Variants in ADAM11 observed in about 807,000 individuals in gnomAD.
ADAM11 encodes the protein disintegrin and metalloproteinase domain-containing protein 11.
ADAM11 carries 49 observed loss-of-function variants against 119.1 expected under a neutral mutation model. That is an observed-to-expected ratio of 0.41 (90% CI 0.33 to 0.52). ADAM11 has a LOEUF of 0.52. ADAM11 is among the 20% of genes least tolerant of loss of function. ADAM11 has a pLI of 0.20. For synonymous variants in ADAM11, 364 were observed against 408.0 expected, an observed-to-expected ratio of 0.89 and a Z score of 1.30; for missense variants, 777 against 1,047.5, an observed-to-expected ratio of 0.74 and a Z score of 3.56.
Position 44,776,582 on chromosome 17 carries a change from G to A in ADAM11, c.1567-163G>A, listed in dbSNP as rs534567824. 5.3e-5 allele frequency among the ~76,000 whole-genome samples: 8 copies of A among 152,232 alleles called. No homozygotes were observed. The South Asian group carries it at 1.7e-3, about 32-fold the overall frequency. ...GGCTCTGGGGCTTGCAAATCCGTGT[G>A]GTCTGGGTCCAGAACCAGACAGATC... On this transcript the variant is annotated intron_variant, in intron 18 of 26. Coordinates refer to ENST00000200557, the MANE Select transcript of ADAM11 (RefSeq NM_002390.6). This position sits in a 1 kb window ranked among gnomAD's most constrained non-coding sequence, Gnocchi z 5.2.
chr17:44,761,966 A>T (rs1321324136), intron 2 of ADAM11, among the ~76,000 whole-genome samples: 2 of 151,972 alleles, frequency 1.3e-5, no homozygotes, highest in Non-Finnish European at 2.9e-5. Flanking sequence ...GGGATTACAG[A>T]CGTGCGCCAC....
intron 25 of ADAM11, 142 bp downstream of exon 25, chr17:44,778,384 T>A: frequency 1.2e-6 from 1 of 853,338 alleles, no homozygotes; most frequent in Non-Finnish European, 1.7e-6. Context: ...CTGCAGGGCT[T>A]AACATTTAGA....
chr17:44,769,490 G>A (rs552844482), intron 2 of ADAM11, among the ~76,000 whole-genome samples: 94 of 152,372 alleles, frequency 6.2e-4, no homozygotes, highest in Middle Eastern at 3.4e-3. Context: ...AGGGCAGAAA[G>A]GGGGCTGTGC....
At chr17:44,770,199 G>A (rs1258026495) in intron 4 of ADAM11, 151 bp downstream of exon 4, 13 of 984,896 alleles carry the variant, frequency 1.3e-5, no homozygotes, top group Non-Finnish European at 8.9e-6. Context: ...GACCCAGGAG[G>A]CTCTGAGGGT....
intron 25 of ADAM11, 146 bp from the exon 26 acceptor site, chr17:44,779,076 G>T: frequency 1.0e-6 from 1 of 1,004,726 alleles, no homozygotes; most frequent in Non-Finnish European, 1.5e-6. Context: ...AATTCTCCCT[G>T]GCCCTTACAT....
chr17:44,765,342 G>A (rs1338921540), intron 2 of ADAM11, among the ~76,000 whole-genome samples: 1 of 152,098 alleles, frequency 6.6e-6, no homozygotes, highest in Non-Finnish European at 1.5e-5. Flanking sequence ...CCTTGCGGGA[G>A]GGGATTCCAG....
intron 2 of ADAM11, among the ~76,000 whole-genome samples, chr17:44,768,482 T>G (rs1342523738): frequency 6.6e-6 from 1 of 152,138 alleles, no homozygotes; most frequent in Admixed American, 6.5e-5. Flanking sequence ...AGAAGCAGAC[T>G]CCCTAGCTTC....
Position 44,777,008 on chromosome 17 carries a change from G to C in ADAM11, c.1681+46G>C, listed in dbSNP as rs1567695274. The stretch of plus-strand genomic sequence containing the variant: ...GAGTGGGGACTCCGGAGGACCCAGA[G>C]CTGAGAAGCTGGGGAGAGTGGGTTC... On this transcript the variant is annotated intron_variant, in intron 20 of 26. Coordinates refer to ENST00000200557, the MANE Select transcript of ADAM11 (RefSeq NM_002390.6). The surrounding 1 kb of genome is among the most constrained non-coding windows in gnomAD (Gnocchi z 5.1). 1 of 1,590,182 alleles carries C rather than the reference G, an allele frequency of 6.3e-7. No homozygotes were observed. Among genetic ancestry groups the C allele is most frequent in the Non-Finnish European group, 8.6e-7 (1 of 1,163,346 alleles).
Position 44,779,972 on chromosome 17 carries a change from A to T in ADAM11, c.*218A>T, listed in dbSNP as rs978652732. 1 of 727,076 alleles carries T rather than the reference A, an allele frequency of 1.4e-6. No individual in the cohort carries two copies. Among genetic ancestry groups the T allele is most frequent in the South Asian group, 1.5e-5 (1 of 67,432 alleles). The allele number at this position is 727,076 out of a possible 1,614,324, so 45.0% of individuals were successfully genotyped here. A position where few individuals can be genotyped will look rare whatever the true frequency, so the allele number is the denominator to read the frequency against. ...GAGGGCACTTCCTCCACAGTCCCCC[A>T]CCCACCTCCTGCGGCTCAGCCTTGC... On this transcript the variant is annotated 3_prime_UTR_variant, in exon 27 of 27. Transcript: ENST00000200557.
chr17:44,760,924 G>C (rs1010229322), intron 2 of ADAM11, among the ~76,000 whole-genome samples: 1 of 151,888 alleles, frequency 6.6e-6, no homozygotes, highest in African/African-American at 2.4e-5. Context: ...CTGATGAAAT[G>C]GATGGAGCAG....
At chr17:44,771,522 T>C in intron 4 of ADAM11, 62 bp from the exon 5 acceptor site, 3 of 1,541,530 alleles carry the variant, frequency 1.9e-6, no homozygotes, top group Non-Finnish European at 1.8e-6. Context: ...CAAAAAGCCT[T>C]GAGGCCCATT....
Position 44,772,184 on chromosome 17 carries a change from G to A in ADAM11, c.544-83G>A. On this transcript the variant is annotated intron_variant, in intron 6 of 26. Coordinates refer to ENST00000200557, the MANE Select transcript of ADAM11 (RefSeq NM_002390.6). The surrounding 1 kb of genome is among the most constrained non-coding windows in gnomAD (Gnocchi z 4.5). ...TGGGTCACCCCAGGGTGGGGTGGAG[G>A]CGAGGGCTGGATCTGGCCCCCGCCA... is the stretch of plus-strand genomic sequence containing the variant. 7.5e-7 allele frequency: 1 copy of A among 1,325,590 alleles called. No homozygotes were observed. Among genetic ancestry groups the A allele is most frequent in the Non-Finnish European group, 1.1e-6 (1 of 949,366 alleles). 82.1% of individuals were successfully genotyped at this position (1,325,590 alleles called of 1,614,324 possible). A position where few individuals can be genotyped will look rare whatever the true frequency, so the allele number is the denominator to read the frequency against.
Position 44,776,035 on chromosome 17 carries a change from G to A in ADAM11, c.1486-92G>A. The A allele has an allele frequency of 6.9e-7, 1 of 1,452,284 alleles. No individual in the cohort carries two copies. Among genetic ancestry groups the A allele is most frequent in the Middle Eastern group, 2.0e-4 (1 of 4,906 alleles). 90.0% of individuals were successfully genotyped at this position (1,452,284 alleles called of 1,614,324 possible). ...GGGGCCCTGGGGAGCTGGAGGGCCC[G>A]GGGATGTGGGGGTCCAGAGAGCGAG... On this transcript the variant is annotated intron_variant, in intron 17 of 26. Coordinates refer to ENST00000200557, the MANE Select transcript of ADAM11 (RefSeq NM_002390.6). This position sits in a 1 kb window ranked among gnomAD's most constrained non-coding sequence, Gnocchi z 5.2.
chr17:44,772,222 G>A lies in ADAM11; in HGVS notation c.544-45G>A. The A allele has an allele frequency of 6.5e-7, 1 of 1,548,306 alleles. No homozygotes were observed. Among genetic ancestry groups the A allele is most frequent in the South Asian group, 1.2e-5 (1 of 85,730 alleles). ...CTGGCCCCCGCCAAGTGGGCCTGGA[G>A]CAGGCCCAGTTGGCACCCCAAGAAC... On this transcript the variant is annotated intron_variant, in intron 6 of 26. Coordinates refer to ENST00000200557, the MANE Select transcript of ADAM11 (RefSeq NM_002390.6). This position sits in a 1 kb window ranked among gnomAD's most constrained non-coding sequence, Gnocchi z 4.5.
In ADAM11 at chr17:44,776,218, C is replaced by T; in HGVS notation, c.1566+11C>T. 6.2e-7 allele frequency: 1 copy of T among 1,612,954 alleles called. No homozygotes were observed. ...GGGGACTCTAGCCAGGTCCGCCCGG[C>T]CCCGCCGTCTTGTGGAGCCCTGGGC... On this transcript the variant is annotated intron_variant, in intron 18 of 26. Transcript: ENST00000200557. This position sits in a 1 kb window ranked among gnomAD's most constrained non-coding sequence, Gnocchi z 5.2.
Position 44,759,166 on chromosome 17 carries a change from C to T in ADAM11, c.-34C>T. 7.9e-7 allele frequency: 1 copy of T among 1,260,770 alleles called. No homozygotes were observed. The highest frequency in any genetic ancestry group is 1.0e-6 in the Non-Finnish European group (1 of 1,001,080). The allele number at this position is 1,260,770 out of a possible 1,614,324, so 78.1% of individuals were successfully genotyped here. A position where few individuals can be genotyped will look rare whatever the true frequency, so the allele number is the denominator to read the frequency against. ...CCCGCCCTCCCCGCGCCGCTGGCAG[C>T]CGCAGCCCCCGGACCGGGAGGAATG... On this transcript the variant is annotated 5_prime_UTR_variant, in exon 1 of 27. Transcript: ENST00000200557.
rs1170029078 is a variant in ADAM11, at chr17:44,781,046, T to C, written c.*1292T>C. The C allele has an allele frequency of 1.3e-5, 2 of 152,348 alleles. No individual in the cohort carries two copies. Among genetic ancestry groups the C allele is most frequent in the Non-Finnish European group, 2.9e-5 (2 of 68,076 alleles). The allele number at this position is 152,348 out of a possible 1,614,324, so 9.4% of individuals were successfully genotyped here. On this transcript the variant is annotated 3_prime_UTR_variant, in exon 27 of 27. Transcript: ENST00000200557. ...GGGTGGAGCACTGGCTCCTTGACCC[T>C]AAAAGGTAGCTGGCAGGGGCAAGAT...
chr17:44,772,755 G>A lies in ADAM11; in HGVS notation c.679-102G>A. 2 of 1,087,506 alleles carry A rather than the reference G, an allele frequency of 1.8e-6. No homozygotes were observed. The highest frequency in any genetic ancestry group is 2.7e-6 in the Non-Finnish European group (2 of 730,548). The allele number at this position is 1,087,506 out of a possible 1,614,324, so 67.4% of individuals were successfully genotyped here. ...TGGGGAGCTGGCACTGTCCCTGGCT[G>A]GAGTCCAGACCCCCCCATCCCCACC... On this transcript the variant is annotated intron_variant, in intron 8 of 26. Transcript: ENST00000200557. This position sits in a 1 kb window ranked among gnomAD's most constrained non-coding sequence, Gnocchi z 4.5.
chr17:44,776,253 C>T lies in ADAM11; in HGVS notation c.1566+46C>T, dbSNP rs758361312. The T allele has an allele frequency of 3.1e-6, 5 of 1,603,604 alleles. No individual in the cohort carries two copies. Among genetic ancestry groups the T allele is most frequent in the Middle Eastern group, 1.7e-4 (1 of 6,034 alleles). ...TTGTGGAGCCCTGGGCGAGGCAACC[C>T]CTACCCTTGTCGATTTGGTTTTCCC... On this transcript the variant is annotated intron_variant, in intron 18 of 26. Coordinates refer to ENST00000200557, the MANE Select transcript of ADAM11 (RefSeq NM_002390.6). This position sits in a 1 kb window ranked among gnomAD's most constrained non-coding sequence, Gnocchi z 5.2.
Sources: allele counts gnomAD v4.1 joint callset (sites outside exome capture counted in the v4.1 genomes callset), GRCh38; gene constraint gnomAD v4.1.1; non-coding constraint Gnocchi (gnomAD v3.1); transcripts MANE v1.5; gene names NCBI Gene and HGNC (gene_info 2026-07-23, HGNC 2026-07-21).